The following RNF144A variants were observed in gnomAD, a reference collection of about 807,000 sequenced individuals.
The protein encoded by RNF144A is ring finger protein 144A, also known as E3 ubiquitin-protein ligase RNF144A.
Under a neutral mutation model 38.7 loss-of-function variants are expected in RNF144A, and 11 were observed. The ratio of observed to expected loss-of-function variants is 0.28; its 90% CI spans 0.18 to 0.47. The LOEUF is 0.47. Among genes scored for constraint, RNF144A ranks in the 20% least tolerant of loss-of-function variants. The probability of loss-of-function intolerance (pLI) is 0.99; values close to 1 mark genes in which losing one functional copy is unlikely to be tolerated. For missense variants in RNF144A, 316 were observed against 377.2 expected (o/e 0.84, Z 1.34); for synonymous variants, 149 against 143.9 (o/e 1.04, Z -0.25).
At chr2:7,007,901 G>A (rs932458336) in intron 3 of RNF144A, among the ~76,000 whole-genome samples, 1 of 152,206 alleles carries the variant, frequency 6.6e-6, no homozygotes, top group South Asian at 2.1e-4. Context: ...CTGCAGGAGC[G>A]AGCTCCTTGC....
chr2:7,065,336 C>T (rs1674165669), intron 6 of RNF144A, among the ~76,000 whole-genome samples: 1 of 152,110 alleles, frequency 6.6e-6, no homozygotes, highest in Non-Finnish European at 1.5e-5. Flanking sequence ...AAGTCAGGGC[C>T]TGGAGCTATT....
intron 6 of RNF144A, chr2:7,068,173 C>A: frequency 9.7e-7 from 1 of 1,031,664 alleles, no homozygotes; most frequent in Non-Finnish European, 1.3e-6. Context: ...GTAAGCTTTT[C>A]TGTGCTTTAA....
downstream of RNF144A, among the ~76,000 whole-genome samples, chr2:7,069,379 G>A (rs1674368239): frequency 6.6e-6 from 1 of 152,208 alleles, no homozygotes; most frequent in African/African-American, 2.4e-5. Context: ...GGGCTATCTG[G>A]TTGGAAGTTT....
chr2:6,919,195 G>T (rs1009254653), intron 1 of RNF144A, among the ~76,000 whole-genome samples: 1 of 152,126 alleles, frequency 6.6e-6, no homozygotes, highest in Non-Finnish European at 1.5e-5. Context: ...GGTGGGGCAG[G>T]TCAGAGGTGG....
chr2:7,040,326 T>C lies in RNF144A; in HGVS notation c.*566T>C. ...TCCTATGCCTTTCTTGAAATGTGCATTTTAAGAAGTTATAGTTAAACGACT... is the reference window on the plus strand; with the variant it reads ...TCCTATGCCTTTCTTGAAATGTGCACTTTAAGAAGTTATAGTTAAACGACT... On this transcript the variant is annotated 3_prime_UTR_variant, in exon 9 of 9. Transcript: ENST00000320892. The C allele has an allele frequency of 1.0e-6, 1 of 985,516 alleles. No homozygotes were observed. The highest frequency in any genetic ancestry group is 1.2e-6 in the Non-Finnish European group (1 of 830,004). 61.0% of individuals were successfully genotyped at this position (985,516 alleles called of 1,614,324 possible). A position where few individuals can be genotyped will look rare whatever the true frequency, so the allele number is the denominator to read the frequency against.
At chr2:7,036,735 T>A (rs755947242) in intron 8 of RNF144A, among the ~76,000 whole-genome samples, 2 of 152,220 alleles carry the variant, frequency 1.3e-5, no homozygotes, top group African/African-American at 4.8e-5. Flanking sequence ...TTACCTAGTT[T>A]CAGTGAATTA....
intron 1 of RNF144A, among the ~76,000 whole-genome samples, chr2:6,939,864 A>T (rs1469161471): frequency 6.6e-6 from 1 of 152,132 alleles, no homozygotes; most frequent in Non-Finnish European, 1.5e-5. Flanking sequence ...AATTAACCAG[A>T]AATGTAGATG....
chr2:6,996,046 C>T (rs13414682), intron 2 of RNF144A, among the ~76,000 whole-genome samples: 26,569 of 152,106 alleles, frequency 0.17, 3,496 homozygotes, highest in East Asian at 0.64. Context: ...TTCTGTGTGA[C>T]CACAAAGCAT....
intron 2 of RNF144A, 67 bp from the exon 3 acceptor site, chr2:6,996,848 AC>A: frequency 6.6e-7 from 1 of 1,525,772 alleles, no homozygotes; most frequent in Non-Finnish European, 9.0e-7. Context: ...AGCCAGGAGA[AC>A]CTTGCCACGG....
At chr2:6,973,410 G>T (rs192426605) in intron 2 of RNF144A, among the ~76,000 whole-genome samples, 2 of 152,072 alleles carry the variant, frequency 1.3e-5, no homozygotes, top group African/African-American at 4.8e-5. Flanking sequence ...TGTGTATATC[G>T]GCATGTAAGG....
intron 1 of RNF144A, among the ~76,000 whole-genome samples, chr2:6,925,212 G>A (rs1198742065): frequency 6.6e-6 from 1 of 152,030 alleles, no homozygotes; most frequent in Non-Finnish European, 1.5e-5. Flanking sequence ...GTAATCCCTG[G>A]TGTGGATGGG....
chr2:6,951,600 C>T (rs557178273), intron 2 of RNF144A, among the ~76,000 whole-genome samples: 2 of 152,312 alleles, frequency 1.3e-5, no homozygotes, highest in South Asian at 2.1e-4. Context: ...CCATGAACAT[C>T]GTATCACTAT....
downstream of RNF144A, among the ~76,000 whole-genome samples, chr2:7,047,817 C>T (rs1175632904): frequency 2.0e-5 from 3 of 152,190 alleles, no homozygotes; most frequent in Non-Finnish European, 2.9e-5. Context: ...GTGTTTCATG[C>T]TCACAAAGCT....
intron 6 of RNF144A, among the ~76,000 whole-genome samples, chr2:7,064,487 C>G (rs309268): frequency 0.59 from 89,780 of 151,980 alleles, 26,974 homozygotes; most frequent in South Asian, 0.89. Context: ...TGTGACTCCA[C>G]GGGGAGGCTA....
At chr2:6,951,644 T>A (rs1168013448) in intron 2 of RNF144A, among the ~76,000 whole-genome samples, 1 of 152,240 alleles carries the variant, frequency 6.6e-6, no homozygotes, top group Non-Finnish European at 1.5e-5. Flanking sequence ...CTATGTTTTC[T>A]ACTTTTCTCT....
At chr2:6,946,334 C>G (rs1481579887) in intron 2 of RNF144A, among the ~76,000 whole-genome samples, 1 of 152,138 alleles carries the variant, frequency 6.6e-6, no homozygotes, top group African/African-American at 2.4e-5. Context: ...TAGTATCTTG[C>G]CTTTATAATT....
rs148386384 is a variant in RNF144A, at chr2:7,055,932, C to T, written c.735-12284C>T. ...TAGACCTTCCTACCCAGATGCTGGG[C>T]GAGCATGCACACTCTGTAACCTACT... On this transcript the variant is annotated intron_variant, in intron 6 of 6. Transcript: ENST00000432850. Among the ~76,000 whole-genome samples the T allele has an allele frequency of 6.2e-4, 94 of 152,220 alleles. 2 individuals are homozygous for T. In the East Asian group the frequency reaches 0.013, roughly 22 times the overall value.
intron 8 of RNF144A, among the ~76,000 whole-genome samples, chr2:7,034,848 G>A (rs1672557028): frequency 1.3e-5 from 2 of 152,212 alleles, no homozygotes; most frequent in African/African-American, 4.8e-5. Context: ...TCTGGGGCCG[G>A]CTGGGGAGCC....
Position 7,035,848 on chromosome 2 carries a change from A to T in RNF144A, c.748-3781A>T, listed in dbSNP as rs748397300. On this transcript the variant is annotated intron_variant, in intron 8 of 8. Transcript: ENST00000320892. ...TTGCATCTTACCTGGCACTCTTGTCAAACGGAAAACAGTGCTGTAAAGGAA... is the reference window on the plus strand; with the variant it reads ...TTGCATCTTACCTGGCACTCTTGTCTAACGGAAAACAGTGCTGTAAAGGAA... Among the ~76,000 whole-genome samples, 78 of 152,224 alleles carry T rather than the reference A, an allele frequency of 5.1e-4. 2 individuals are homozygous for T. Among genetic ancestry groups the T allele is most frequent in the Non-Finnish European group, 2.1e-4 (14 of 68,042 alleles).
Sources: gnomAD v4.1 joint callset for allele counts (sites outside exome capture counted in the v4.1 genomes callset) on GRCh38, gnomAD v4.1.1 for gene constraint, MANE v1.5 for transcripts, NCBI Gene and HGNC (gene_info 2026-07-23, HGNC 2026-07-21) for gene names.